The following PDE6C variants were observed in gnomAD, a reference collection of about 807,000 sequenced individuals.
The protein encoded by PDE6C is cone cGMP-specific 3',5'-cyclic phosphodiesterase subunit alpha'.
In PDE6C, 75 loss-of-function variants were observed where a neutral mutation model predicts 113.1. That is an observed-to-expected ratio of 0.66 (90% CI 0.55 to 0.80). PDE6C has a LOEUF of 0.80. Ranked by LOEUF, PDE6C falls within the 30% of genes least tolerant of loss-of-function variation. The pLI is 0.00. For missense variants in PDE6C, 912 were observed against 1,038.6 expected (o/e 0.88, Z 1.67); for synonymous variants, 375 against 363.7 (o/e 1.03, Z -0.35).
chr10:93,660,134 T>G (rs2058659739), intron 18 of PDE6C, among the ~76,000 whole-genome samples: 1 of 152,196 alleles, frequency 6.6e-6, no homozygotes, highest in Admixed American at 6.5e-5. Flanking sequence ...GATAGAATAA[T>G]TAGAACTCAG....
intron 1 of PDE6C, among the ~76,000 whole-genome samples, chr10:93,614,627 A>T (rs771416894): frequency 6.6e-6 from 1 of 152,206 alleles, no homozygotes; most frequent in African/African-American, 2.4e-5. Flanking sequence ...AAAAAGTGAC[A>T]TTCAGCAATT....
chr10:93,655,997 C>T lies in PDE6C; in HGVS notation c.2036+137C>T, dbSNP rs73329344. ...ACACAGACACACACACACACATACA[C>T]ACAAAATTTGCTCTCCTTTTGGATT... On this transcript the variant is annotated intron_variant, in intron 16 of 21. Coordinates refer to ENST00000371447, the MANE Select transcript of PDE6C (RefSeq NM_006204.4). The T allele has an allele frequency of 2.0e-3, 1,390 of 710,756 alleles. 10 individuals carry two copies. The African/African-American group carries it at 0.02, about 10-fold the overall frequency. 44.0% of individuals were successfully genotyped at this position (710,756 alleles called of 1,614,324 possible). A position where few individuals can be genotyped will look rare whatever the true frequency, so the allele number is the denominator to read the frequency against.
chr10:93,627,002 C>T (rs1003979169), intron 7 of PDE6C, 131 bp downstream of exon 7: 2 of 775,872 alleles, frequency 2.6e-6, no homozygotes. Flanking sequence ...GTGGCTCATG[C>T]CTGTAATCCC....
chr10:93,612,725 C>G lies in PDE6C; in HGVS notation c.-1C>G, dbSNP rs1564793909. On this transcript the variant is annotated 5_prime_UTR_variant, in exon 1 of 22. Coordinates refer to ENST00000371447, the MANE Select transcript of PDE6C (RefSeq NM_006204.4). ...ACAAACGCAGCAAAGCAAGCCACAC[C>G]ATGGGTGAGATCAACCAAGTTGCCG... 3.1e-6 allele frequency: 5 copies of G among 1,613,748 alleles called. No individual in the cohort carries two copies. The highest frequency in any genetic ancestry group is 4.2e-6 in the Non-Finnish European group (5 of 1,180,048).
rs139251833 is a variant in PDE6C, at chr10:93,622,035, G to A, written c.827G>A (p.Arg276Gln). The A allele has an allele frequency of 7.4e-6, 12 of 1,613,866 alleles. No homozygotes were observed. The African/African-American group carries it at 9.3e-5, about 13-fold the overall frequency. ...YTVRSYLNCE[R>Q]YSIGLLDMTK... ...GTTAGATCATATCTGAACTGTGAAC[G>A]ATACTCCATTGGACTGCTGGACATG... is the stretch of plus-strand genomic sequence containing the variant. The change falls in exon 4 of 22, where the codon CGA (arginine) becomes CAA (glutamine). Residue 276 changes from arginine to glutamine, a missense_variant. By Grantham distance (43) the Arg-to-Gln change is conservative. Transcript: ENST00000371447.
chr10:93,635,692 T>C, intron 10 of PDE6C, 52 bp downstream of exon 10: 1 of 1,576,232 alleles, frequency 6.3e-7, no homozygotes, highest in Non-Finnish European at 8.7e-7. Context: ...AACCACATAT[T>C]CTAGAAGTCA....
At position 93,662,140 on chromosome 10, in the gene PDE6C, C is replaced by A. The variant is rs763715823; in HGVS notation, c.2283+7C>A. 1 of 1,571,648 alleles carries A rather than the reference C, an allele frequency of 6.4e-7. No homozygotes were observed. Among genetic ancestry groups the A allele is most frequent in the Admixed American group, 1.7e-5 (1 of 59,932 alleles). ...GTTGCAGCAACAACCCATTGTAAGA[C>A]CTTGACATAAAAATGTATTACTTAT... On this transcript the variant is annotated splice_region_variant and intron_variant, in intron 19 of 21. Coordinates refer to ENST00000371447, the MANE Select transcript of PDE6C (RefSeq NM_006204.4).
chr10:93,646,532 C>G (rs540222884), intron 15 of PDE6C, among the ~76,000 whole-genome samples: 1 of 152,226 alleles, frequency 6.6e-6, no homozygotes, highest in Admixed American at 6.5e-5. Context: ...GTTTAATTCA[C>G]TCCCGGTTCT....
chr10:93,657,328 A>ATTTTTTTTT (rs71031526), intron 16 of PDE6C, among the ~76,000 whole-genome samples: 27 of 88,290 alleles, frequency 3.1e-4, no homozygotes, highest in South Asian at 4.6e-4. Context: ...CGCCTGGCTA[A>ATTTTTTTTT]TTTTTTTTTT....
intron 10 of PDE6C, among the ~76,000 whole-genome samples, chr10:93,636,569 A>G (rs544250146): frequency 6.6e-6 from 1 of 152,008 alleles, no homozygotes; most frequent in South Asian, 2.1e-4. Flanking sequence ...AATGTAAGCC[A>G]CTCATTTTTT....
At chr10:93,621,611 G>A (rs2077733) in intron 3 of PDE6C, among the ~76,000 whole-genome samples, 10,722 of 152,174 alleles carry the variant, frequency 0.07, 814 homozygotes, top group East Asian at 0.3. Context: ...GTGGGCCACC[G>A]ATACTGGATT....
At position 93,621,991 on chromosome 10, in the gene PDE6C, T is replaced by C; in HGVS notation, c.783T>C (p.Phe261=). 1 of 1,613,300 alleles carries C rather than the reference T, an allele frequency of 6.2e-7. No individual in the cohort carries two copies. The highest frequency in any genetic ancestry group is 1.1e-5 in the South Asian group (1 of 91,040). Residue 261 remains phenylalanine, a synonymous_variant, in exon 4 of 22, where the codon TTT becomes TTC. Transcript: ENST00000371447. ...FEELTDVERQ[F]HKALYTVRSY... is the part of the protein sequence containing the mutation. ...AACTCACAGATGTTGAGCGACAGTT[T>C]CACAAAGCGCTCTACACGGTTAGAT... is the stretch of plus-strand genomic sequence containing the variant.
At chr10:93,663,712 G>A (rs1184545835) in intron 21 of PDE6C, among the ~76,000 whole-genome samples, 2 of 152,102 alleles carry the variant, frequency 1.3e-5, no homozygotes, top group Non-Finnish European at 2.9e-5. Context: ...TTTCTGGCAT[G>A]AGATTCCTGT....
intron 15 of PDE6C, among the ~76,000 whole-genome samples, chr10:93,653,460 T>C (rs2058618710): frequency 6.6e-6 from 1 of 152,000 alleles, no homozygotes; most frequent in African/African-American, 2.4e-5. Context: ...CTGGCTAACA[T>C]GGTGAAAACC....
chr10:93,637,825 C>G (rs1053803330), intron 11 of PDE6C, among the ~76,000 whole-genome samples: 4 of 152,278 alleles, frequency 2.6e-5, no homozygotes, highest in Admixed American at 2.0e-4. Flanking sequence ...GGGTTCTAGT[C>G]ATTTGATCCT....
At chr10:93,644,901 G>GATATAGTATA (rs1554890789) in intron 14 of PDE6C, among the ~76,000 whole-genome samples, 3 of 145,340 alleles carry the variant, frequency 2.1e-5, no homozygotes, top group South Asian at 2.1e-4. Context: ...AGTATATATA[G>GATATAGTATA]TATATATACA....
At chr10:93,620,808 G>T in intron 2 of PDE6C, 24 bp downstream of exon 2, 3 of 1,613,962 alleles carry the variant, frequency 1.9e-6, no homozygotes, top group Non-Finnish European at 2.5e-6. Flanking sequence ...TGGGCATCTG[G>T]TTGGAGGCTC....
chr10:93,641,813 T>A (rs770435298), intron 14 of PDE6C, among the ~76,000 whole-genome samples: 1 of 152,128 alleles, frequency 6.6e-6, no homozygotes, highest in Non-Finnish European at 1.5e-5. Flanking sequence ...CTTCAGCTGG[T>A]CTTCCATCTT....
intron 20 of PDE6C, 71 bp from the exon 21 acceptor site, chr10:93,662,957 T>A: frequency 7.5e-7 from 1 of 1,325,632 alleles, no homozygotes; most frequent in Non-Finnish European, 1.1e-6. Context: ...TACAGCTCAC[T>A]CTCTGCATAT....
Sources: gnomAD v4.1 joint callset for allele counts (sites outside exome capture counted in the v4.1 genomes callset) on GRCh38, gnomAD v4.1.1 for gene constraint, MANE v1.5 for transcripts, NCBI Gene and HGNC (gene_info 2026-07-23, HGNC 2026-07-21) for gene names.